GALNT13: variants seen among roughly 807,000 people sequenced by gnomAD.
GALNT13 encodes the protein polypeptide N-acetylgalactosaminyltransferase 13.
GALNT13 carries 28 observed loss-of-function variants against 64.2 expected under a neutral mutation model. The ratio of observed to expected loss-of-function variants is 0.44; its 90% CI spans 0.32 to 0.60. The LOEUF (loss-of-function observed/expected upper bound fraction) is 0.60, where lower values mean the gene tolerates loss of function less well. Among genes scored for constraint, GALNT13 ranks in the 20% least tolerant of loss-of-function variants. GALNT13 has a pLI of 0.05. For missense variants in GALNT13, 577 were observed against 669.8 expected (o/e 0.86, Z 1.53); for synonymous variants, 214 against 224.6 (o/e 0.95, Z 0.42).
chr2:153,401,291 T>C, the GALNT13 span, among the ~76,000 whole-genome samples: 8 of 151,644 alleles, frequency 5.3e-5, no homozygotes, highest in African/African-American at 1.5e-4. Flanking sequence ...GTCTGAGAGA[T>C]AGTTTGTTAT....
chr2:153,418,736 T>C, the GALNT13 span, among the ~76,000 whole-genome samples: 25 of 152,230 alleles, frequency 1.6e-4, no homozygotes, highest in East Asian at 4.7e-3. Flanking sequence ...TGCATGCCTG[T>C]AGTCCCAGCT....
chr2:154,413,232 C>T (rs867206172), intron 11 of GALNT13, among the ~76,000 whole-genome samples: 1 of 151,802 alleles, frequency 6.6e-6, no homozygotes, highest in African/African-American at 2.4e-5. Flanking sequence ...AACTCATTTC[C>T]TTTCCTTTCA....
At chr2:154,411,411 G>T (rs1699789805) in intron 11 of GALNT13, among the ~76,000 whole-genome samples, 1 of 150,692 alleles carries the variant, frequency 6.6e-6, no homozygotes, top group Non-Finnish European at 1.5e-5. Context: ...AAACAATTCA[G>T]TATTTACCAA....
At chr2:154,156,228 C>G (rs1455313319) in intron 4 of GALNT13, among the ~76,000 whole-genome samples, 1 of 151,940 alleles carries the variant, frequency 6.6e-6, no homozygotes, top group Admixed American at 6.6e-5. Flanking sequence ...TATCATCATA[C>G]TATATAAAAT....
the GALNT13 span, among the ~76,000 whole-genome samples, chr2:153,764,147 C>T: frequency 2.6e-5 from 4 of 152,170 alleles, no homozygotes; most frequent in Non-Finnish European, 4.4e-5. Flanking sequence ...AGATTGGCAT[C>T]ATTTCTCCCA....
chr2:153,630,775 A>ATG, the GALNT13 span, among the ~76,000 whole-genome samples: 1 of 7,222 alleles, frequency 1.4e-4, no homozygotes, highest in Non-Finnish European at 2.9e-4. Context: ...ATATATATAT[A>ATG]TATATATATA....
the GALNT13 span, among the ~76,000 whole-genome samples, chr2:153,853,391 C>T: frequency 6.6e-6 from 1 of 152,110 alleles, no homozygotes; most frequent in African/African-American, 2.4e-5. Context: ...CACACTTGCA[C>T]ACAAGTGTTA....
intron 4 of GALNT13, among the ~76,000 whole-genome samples, chr2:154,150,866 C>T (rs894661997): frequency 6.6e-6 from 1 of 151,908 alleles, no homozygotes; most frequent in East Asian, 1.9e-4. Context: ...TTTGGTGATC[C>T]TTTCAAAAAA....
intron 3 of GALNT13, among the ~76,000 whole-genome samples, chr2:154,052,212 T>C (rs1699659717): frequency 6.6e-6 from 1 of 152,202 alleles, no homozygotes; most frequent in Admixed American, 6.5e-5. Flanking sequence ...ATTGTGCCTG[T>C]CCTACAGTAG....
At chr2:153,914,340 T>A (rs1003387559) in intron 2 of GALNT13, among the ~76,000 whole-genome samples, 1 of 151,868 alleles carries the variant, frequency 6.6e-6, no homozygotes, top group African/African-American at 2.4e-5. Context: ...AAAAAACTAG[T>A]CGAGTGTGGT....
intron 3 of GALNT13, among the ~76,000 whole-genome samples, chr2:154,066,372 C>A (rs961066292): frequency 6.6e-6 from 1 of 151,838 alleles, no homozygotes; most frequent in Non-Finnish European, 1.5e-5. Context: ...TATTCAAGTA[C>A]AAAAAGGTTA....
At chr2:153,448,969 G>A in the GALNT13 span, among the ~76,000 whole-genome samples, 9 of 152,216 alleles carry the variant, frequency 5.9e-5, no homozygotes, top group East Asian at 3.9e-4. Flanking sequence ...ACCAGAGAGC[G>A]CGTGTGTGCA....
the GALNT13 span, among the ~76,000 whole-genome samples, chr2:153,205,859 A>G: frequency 6.6e-6 from 1 of 152,052 alleles, no homozygotes; most frequent in South Asian, 2.1e-4. Context: ...GACTAACTAA[A>G]TTTACACATG....
At position 154,225,875 on chromosome 2, in the gene GALNT13, A is replaced by G. The variant is rs147240165; in HGVS notation, c.312-16155A>G. ...ACAAAGGCTGTCTGTCTAGATTTTT[A>G]CCTCTCTGTGCAACAGTCCTTCCTT... On this transcript the variant is annotated intron_variant, in intron 4 of 12. Transcript: ENST00000392825. Among the ~76,000 whole-genome samples, 13 of 152,098 alleles carry G rather than the reference A, an allele frequency of 8.5e-5. No homozygotes were observed. The East Asian group carries it at 2.5e-3, about 30-fold the overall frequency.
At chr2:153,171,194 A>G in the GALNT13 span, among the ~76,000 whole-genome samples, 1 of 152,218 alleles carries the variant, frequency 6.6e-6, no homozygotes, top group African/African-American at 2.4e-5. Context: ...CAGTTTATGT[A>G]TAGGCACGTG....
chr2:153,872,619 C>CGGGGGGGGGGGG (rs1218155488), intron 1 of GALNT13, among the ~76,000 whole-genome samples: 2 of 16,294 alleles, frequency 1.2e-4, no homozygotes, highest in African/African-American at 3.6e-4. Context: ...TTGTTGGTGG[C>CGGGGGGGGGGGG]GGGGGGGGGG....
At chr2:153,308,611 C>A in the GALNT13 span, among the ~76,000 whole-genome samples, 1 of 152,110 alleles carries the variant, frequency 6.6e-6, no homozygotes, top group Non-Finnish European at 1.5e-5. Flanking sequence ...CTTTTGATAG[C>A]CTAGAGTTCT....
At chr2:154,018,878 G>C (rs1467343191) in intron 3 of GALNT13, among the ~76,000 whole-genome samples, 1 of 151,076 alleles carries the variant, frequency 6.6e-6, no homozygotes, top group Non-Finnish European at 1.5e-5. Flanking sequence ...AGAGGGGAGA[G>C]GAAAGAGAGG....
chr2:154,245,016 G>A (rs928151920), intron 6 of GALNT13, among the ~76,000 whole-genome samples: 7 of 151,816 alleles, frequency 4.6e-5, no homozygotes, highest in African/African-American at 1.7e-4. Context: ...TGAGGCAGGA[G>A]AATTGCTTGA....
Sources: allele counts gnomAD v4.1 joint callset (sites outside exome capture counted in the v4.1 genomes callset), GRCh38; gene constraint gnomAD v4.1.1; transcripts MANE v1.5; gene names NCBI Gene and HGNC (gene_info 2026-07-23, HGNC 2026-07-21).